The following CNTNAP2 variants were observed in gnomAD, a reference collection of about 807,000 sequenced individuals.
The protein encoded by CNTNAP2 is contactin-associated protein-like 2.
Under a neutral mutation model 155.2 loss-of-function variants are expected in CNTNAP2, and 98 were observed. That is an observed-to-expected ratio of 0.63 (90% confidence interval 0.54 to 0.75). CNTNAP2 has a LOEUF of 0.75. Ranked by LOEUF, CNTNAP2 falls within the 30% of genes least tolerant of loss-of-function variation. CNTNAP2 has a pLI of 0.00. For missense variants in CNTNAP2, 1,727 were observed against 1,688.1 expected (o/e 1.02, Z -0.40); for synonymous variants, 651 against 631.2 (o/e 1.03, Z -0.47).
chr7:147,628,890 CAA>C (rs1264838789), intron 12 of CNTNAP2, among the ~76,000 whole-genome samples: 1 of 123,936 alleles, frequency 8.1e-6, no homozygotes, highest in South Asian at 2.5e-4. Context: ...AAAAAAAAGA[CAA>C]AGAGGAACGT....
At chr7:148,367,999 C>T (rs541497525) in intron 21 of CNTNAP2, among the ~76,000 whole-genome samples, 1 of 152,190 alleles carries the variant, frequency 6.6e-6, no homozygotes, top group Non-Finnish European at 1.5e-5. Flanking sequence ...AAATTAAGAT[C>T]CCCCAAGCAA....
chr7:146,248,421 G>A (rs1799699676), intron 1 of CNTNAP2, among the ~76,000 whole-genome samples: 1 of 152,194 alleles, frequency 6.6e-6, no homozygotes. Context: ...TGAAACCTGG[G>A]TGAATAATCA....
In CNTNAP2 at chr7:148,045,340, C is replaced by A. The variant is rs148387123; in HGVS notation, c.2383+67351C>A. On this transcript the variant is annotated intron_variant, in intron 15 of 23. Coordinates refer to ENST00000361727, the MANE Select transcript of CNTNAP2 (RefSeq NM_014141.6). Reference sequence around the variant, plus strand: ...TCTAATGGGGGTGGGTGGTGGGGGGCGTTACAGCAACAATTACCAGTTTCA... The same window carrying A: ...TCTAATGGGGGTGGGTGGTGGGGGGAGTTACAGCAACAATTACCAGTTTCA... Among the ~76,000 whole-genome samples, 931 of 152,042 alleles carry A rather than the reference C, an allele frequency of 6.1e-3. 8 individuals carry two copies. The highest frequency in any genetic ancestry group is 0.021 in the African/African-American group (890 of 41,480).
intron 14 of CNTNAP2, among the ~76,000 whole-genome samples, chr7:147,932,437 A>G (rs1800522773): frequency 6.6e-6 from 1 of 152,314 alleles, no homozygotes; most frequent in Admixed American, 6.5e-5. Context: ...TTCAATAGAG[A>G]TGCCAAGAAC....
At chr7:147,262,465 G>T (rs1804496548) in intron 8 of CNTNAP2, among the ~76,000 whole-genome samples, 1 of 152,030 alleles carries the variant, frequency 6.6e-6, no homozygotes, top group South Asian at 2.1e-4. Flanking sequence ...ATCCTTAAGA[G>T]GAGATTAGGA....
intron 4 of CNTNAP2, among the ~76,000 whole-genome samples, chr7:147,062,947 C>G (rs561518143): frequency 5.9e-5 from 9 of 152,264 alleles, no homozygotes; most frequent in African/African-American, 2.2e-4. Context: ...TGATACTACT[C>G]AGAAAAGAGA....
At chr7:147,248,407 G>C (rs965588655) in intron 8 of CNTNAP2, among the ~76,000 whole-genome samples, 1 of 152,120 alleles carries the variant, frequency 6.6e-6, no homozygotes, top group African/African-American at 2.4e-5. Context: ...GGTACACTTC[G>C]CAGTCTTGGT....
chr7:147,029,022 G>A (rs1422782508), intron 3 of CNTNAP2, among the ~76,000 whole-genome samples: 3 of 145,390 alleles, frequency 2.1e-5, no homozygotes, highest in African/African-American at 7.8e-5. Flanking sequence ...GGAGGGCAGT[G>A]GTGCGATCTC....
intron 3 of CNTNAP2, among the ~76,000 whole-genome samples, chr7:146,874,601 A>T (rs1795382736): frequency 1.3e-5 from 2 of 152,126 alleles, no homozygotes; most frequent in Admixed American, 6.6e-5. Context: ...GGCCTCCCAA[A>T]GTGCTGGGAT....
At chr7:147,706,502 C>T (rs1005742317) in intron 13 of CNTNAP2, among the ~76,000 whole-genome samples, 1 of 151,882 alleles carries the variant, frequency 6.6e-6, no homozygotes, top group Non-Finnish European at 1.5e-5. Flanking sequence ...CACTGTTAGT[C>T]TGATAGGGGT....
intron 1 of CNTNAP2, among the ~76,000 whole-genome samples, chr7:146,416,108 T>A (rs1283735296): frequency 6.6e-6 from 1 of 151,828 alleles, no homozygotes; most frequent in Non-Finnish European, 1.5e-5. Context: ...GATAATTTCA[T>A]AACTTTTTAT....
chr7:147,690,792 C>T (rs1796076863), intron 13 of CNTNAP2, among the ~76,000 whole-genome samples: 1 of 151,946 alleles, frequency 6.6e-6, no homozygotes, highest in African/African-American at 2.4e-5. Context: ...AATTAATCAT[C>T]CACTTTGAGT....
chr7:146,830,353 T>C (rs1334691138), intron 2 of CNTNAP2, among the ~76,000 whole-genome samples: 2 of 152,034 alleles, frequency 1.3e-5, no homozygotes, highest in Admixed American at 1.3e-4. Flanking sequence ...AAGAAGAGCT[T>C]GTGGATTGCT....
chr7:146,768,946 G>A, intron 1 of CNTNAP2, among the ~76,000 whole-genome samples: 1 of 152,146 alleles, frequency 6.6e-6, no homozygotes. Flanking sequence ...GTAAACTCCT[G>A]CCAGTATCCC....
At chr7:147,562,045 G>A in intron 11 of CNTNAP2, 93 bp from the exon 12 acceptor site, 1 of 1,508,710 alleles carries the variant, frequency 6.6e-7, no homozygotes, top group South Asian at 1.1e-5. Flanking sequence ...CCTAACTAGT[G>A]GTTTGCTAGC....
chr7:147,486,889 C>CCGTGTGTGTGTGTG lies in CNTNAP2; in HGVS notation c.1777+848_1777+849insCGTGTGTGTGTGTG, dbSNP rs71527815. On this transcript the variant is annotated intron_variant, in intron 11 of 23. Transcript: ENST00000361727. Reference sequence around the variant, plus strand: ...GGTTAGTGTGTGCATACGTATGTGCCTGTGTGTGTGTGTGTGTGTGTGTGT... The same window carrying CCGTGTGTGTGTGTG: ...GGTTAGTGTGTGCATACGTATGTGCCCGTGTGTGTGTGTGTGTGTGTGTGTGTGTGTGTGTGTGT... 2.7e-5 allele frequency among the ~76,000 whole-genome samples: 4 copies of CCGTGTGTGTGTGTG among 146,842 alleles called. No homozygotes were observed. In the Admixed American group the frequency reaches 2.7e-4, roughly 10 times the overall value.
At chr7:146,248,002 A>C (rs1799690710) in intron 1 of CNTNAP2, among the ~76,000 whole-genome samples, 1 of 151,602 alleles carries the variant, frequency 6.6e-6, no homozygotes, top group Admixed American at 6.6e-5. Flanking sequence ...TGGGGCACGG[A>C]AATAAGGGAT....
intron 9 of CNTNAP2, among the ~76,000 whole-genome samples, chr7:147,318,581 A>C (rs1264196050): frequency 6.6e-6 from 1 of 152,040 alleles, no homozygotes; most frequent in Non-Finnish European, 1.5e-5. Flanking sequence ...AACCAACACC[A>C]CATGTTCTCA....
At chr7:148,364,684 G>C (rs1798701237) in intron 21 of CNTNAP2, among the ~76,000 whole-genome samples, 1 of 152,150 alleles carries the variant, frequency 6.6e-6, no homozygotes, top group African/African-American at 2.4e-5. Context: ...ATCTAGCTCA[G>C]GGATTGTAAA....
Sources: gnomAD v4.1 joint callset for allele counts (sites outside exome capture counted in the v4.1 genomes callset) on GRCh38, gnomAD v4.1.1 for gene constraint, MANE v1.5 for transcripts, NCBI Gene and HGNC (gene_info 2026-07-23, HGNC 2026-07-21) for gene names.